Variants in UMPS observed in about 807,000 individuals in gnomAD.
The protein encoded by UMPS is uridine monophosphate synthetase.
A neutral mutation model predicts 38.9 loss-of-function variants in UMPS; 21 were observed. The ratio of observed to expected loss-of-function variants is 0.54; its 90% confidence interval spans 0.38 to 0.78. The LOEUF (loss-of-function observed/expected upper bound fraction) is 0.78, where lower values mean the gene tolerates loss of function less well. UMPS is among the 30% of genes least tolerant of loss of function. The pLI, the probability that UMPS is intolerant of heterozygous loss-of-function variation, is 0.00. For missense variants in UMPS, 533 were observed against 591.6 expected (o/e 0.90, Z 1.03); for synonymous variants, 208 against 219.3 (o/e 0.95, Z 0.45).
At chr3:124,743,775 C>T (rs907261571) in intron 5 of UMPS, 140 bp from the exon 6 acceptor site, 13 of 973,848 alleles carry the variant, frequency 1.3e-5, no homozygotes, top group East Asian at 1.1e-4. Flanking sequence ...CCTGTTTTTA[C>T]GCAGTTGCTG....
chr3:124,738,332 A>G, intron 3 of UMPS, 93 bp downstream of exon 3: 1 of 1,392,170 alleles, frequency 7.2e-7, no homozygotes, highest in Non-Finnish European at 1.0e-6. Context: ...AAGTCCATTC[A>G]TAGAGCAGGC....
intron 1 of UMPS, chr3:124,731,374 A>G (rs2063475280): frequency 2.4e-5 from 6 of 253,854 alleles, no homozygotes; most frequent in South Asian, 2.1e-4. Context: ...CCCCGGGACA[A>G]TTATTTAAAG....
At position 124,737,640 on chromosome 3, in the gene UMPS, G is replaced by A. The variant is rs773499729; in HGVS notation, c.383G>A (p.Ser128Asn). The A allele has an allele frequency of 3.7e-6, 6 of 1,614,234 alleles. No individual in the cohort carries two copies. In the East Asian group the frequency reaches 8.9e-5, roughly 24 times the overall value. Residue 128 changes from serine to asparagine, a missense_variant, in exon 3 of 6, where the codon AGT (serine) becomes AAT (asparagine). Transcript: ENST00000232607. ...TCLIIEDVVTSGSSVLETVEV... is the reference protein window; with the variant it reads ...TCLIIEDVVTNGSSVLETVEV... Reference sequence around the variant, plus strand: ...TTAATCATTGAAGATGTTGTCACCAGTGGATCTAGTGTTTTGGAAACTGTT... The same window carrying A: ...TTAATCATTGAAGATGTTGTCACCAATGGATCTAGTGTTTTGGAAACTGTT...
rs1433204458 is a variant in UMPS at position 124,737,909 on chromosome 3, A to G, written c.652A>G (p.Ile218Val). 1.9e-6 allele frequency: 3 copies of G among 1,614,206 alleles called. No individual in the cohort carries two copies. The highest frequency in any genetic ancestry group is 2.5e-6 in the Non-Finnish European group (3 of 1,180,036). Residue 218 changes from isoleucine (I) to valine (V), a missense_variant, in exon 3 of 6, where the codon ATA becomes GTA. By Grantham distance (29) the Ile-to-Val change is conservative (BLOSUM62 3). Coordinates refer to ENST00000232607, the MANE Select transcript of UMPS (RefSeq NM_000373.4). ...AANHNGSPLS[I>V]KEAPKELSFG... ...GAATCATAATGGTTCTCCCCTTTCTATAAAGGAAGCACCCAAAGAACTCAG... is the reference window on the plus strand; with the variant it reads ...GAATCATAATGGTTCTCCCCTTTCTGTAAAGGAAGCACCCAAAGAACTCAG...
In UMPS at chr3:124,745,927, A is replaced by C. The variant is rs920254780; in HGVS notation, c.*1843A>C. ...CTGGAGTCTTGTCAAAACAGGTACC[A>C]GCCCCACCCGCAGCGTTTCTGACTC... On this transcript the variant is annotated 3_prime_UTR_variant, in exon 6 of 6. Coordinates refer to ENST00000232607, the MANE Select transcript of UMPS (RefSeq NM_000373.4). 1.1e-5 allele frequency: 5 copies of C among 453,970 alleles called. No homozygotes were observed. The highest frequency in any genetic ancestry group is 2.2e-5 in the Non-Finnish European group (5 of 226,772). 28.1% of individuals were successfully genotyped at this position (453,970 alleles called of 1,614,324 possible). A position where few individuals can be genotyped will look rare whatever the true frequency, so the allele number is the denominator to read the frequency against.
Position 124,749,030 on chromosome 3 carries a change from C to T in UMPS, c.*4946C>T. On this transcript the variant is annotated 3_prime_UTR_variant, in exon 6 of 6. Coordinates refer to ENST00000232607, the MANE Select transcript of UMPS (RefSeq NM_000373.4). ...CACAGACAGCTCCATAGTCCTGCCT[C>T]CAATGTCCCAACACTGCATTGTCTC... is the stretch of plus-strand genomic sequence containing the variant. 2.2e-6 allele frequency: 1 copy of T among 454,064 alleles called. No individual in the cohort carries two copies. Among genetic ancestry groups the T allele is most frequent in the Non-Finnish European group, 4.4e-6 (1 of 226,776 alleles). The allele number at this position is 454,064 out of a possible 1,614,324, so 28.1% of individuals were successfully genotyped here.
rs750753875 is a variant in UMPS at position 124,744,487 on chromosome 3, T to C, written c.*403T>C. On this transcript the variant is annotated 3_prime_UTR_variant, in exon 6 of 6. Transcript: ENST00000232607. ...TGGAGTGCAGTGGTGAGATCACGGC[T>C]CATTGCAGCCTCGACCTCCCAGGTG... 1 of 454,246 alleles carries C rather than the reference T, an allele frequency of 2.2e-6. No individual in the cohort carries two copies. Among genetic ancestry groups the C allele is most frequent in the South Asian group, 1.6e-5 (1 of 64,488 alleles). The allele number at this position is 454,246 out of a possible 1,614,324, so 28.1% of individuals were successfully genotyped here. A position where few individuals can be genotyped will look rare whatever the true frequency, so the allele number is the denominator to read the frequency against.
At position 124,730,583 on chromosome 3, in the gene UMPS, A is replaced by G. The variant is rs1331924517; in HGVS notation, c.112A>G (p.Ile38Val). Residue 38 changes from isoleucine to valine, a missense_variant, in exon 1 of 6, where the codon ATC (isoleucine) becomes GTC (valine). Transcript: ENST00000232607. ...LKSGLSSPIY[I>V]DLRGIVSRPR... ...GAGCGGGCTTTCCTCCCCCATCTAC[A>G]TCGATCTGCGGGGCATCGTGTCTCG... is the stretch of plus-strand genomic sequence containing the variant. 1.9e-6 allele frequency: 3 copies of G among 1,613,228 alleles called. No individual in the cohort carries two copies. The East Asian group carries it at 6.7e-5, about 36-fold the overall frequency.
chr3:124,741,753 T>G (rs561320829), intron 4 of UMPS, among the ~76,000 whole-genome samples: 1 of 152,342 alleles, frequency 6.6e-6, no homozygotes, highest in African/African-American at 2.4e-5. Flanking sequence ...ATTTCTGCTT[T>G]ACGTATGGTT....
chr3:124,746,757 G>T lies in UMPS; in HGVS notation c.*2673G>T, dbSNP rs113957357. 14 of 78,232 alleles carry T rather than the reference G, an allele frequency of 1.8e-4. No individual in the cohort carries two copies. The highest frequency in any genetic ancestry group is 5.0e-4 in the African/African-American group (5 of 9,976). 4.8% of individuals were successfully genotyped at this position (78,232 alleles called of 1,614,324 possible). A position where few individuals can be genotyped will look rare whatever the true frequency, so the allele number is the denominator to read the frequency against. On this transcript the variant is annotated 3_prime_UTR_variant, in exon 6 of 6. Transcript: ENST00000232607. Reference sequence around the variant, plus strand: ...TCTGTAGAACATAAGCCCATAGATTGTGTGTGTGTGTGTGTGTGTGTGTGT... The same window carrying T: ...TCTGTAGAACATAAGCCCATAGATTTTGTGTGTGTGTGTGTGTGTGTGTGT...
rs561034012 is a variant in UMPS at position 124,746,122 on chromosome 3, G to A, written c.*2038G>A. Reference sequence around the variant, plus strand: ...GTCTGCCTCCTGCTAAGAGTCACATGCTCCTGTCCTTTAGAAATGTGGGCT... The same window carrying A: ...GTCTGCCTCCTGCTAAGAGTCACATACTCCTGTCCTTTAGAAATGTGGGCT... On this transcript the variant is annotated 3_prime_UTR_variant, in exon 6 of 6. Coordinates refer to ENST00000232607, the MANE Select transcript of UMPS (RefSeq NM_000373.4). 4.8e-5 allele frequency: 22 copies of A among 453,964 alleles called. No homozygotes were observed. The East Asian group carries it at 1.2e-3, about 24-fold the overall frequency. The allele number at this position is 453,964 out of a possible 1,614,324, so 28.1% of individuals were successfully genotyped here.
Position 124,730,484 on chromosome 3 carries a change from C to G in UMPS, c.13C>G (p.Arg5Gly). The change falls in exon 1 of 6, where the codon CGT (arginine) becomes GGT (glycine). Residue 5 changes from arginine to glycine, a missense_variant. Coordinates refer to ENST00000232607, the MANE Select transcript of UMPS (RefSeq NM_000373.4). MAVA[R>G]AALGPLVTGL... ...GCAGCGCGCGACAATGGCGGTCGCT[C>G]GTGCAGCTTTGGGGCCATTGGTGAC... 1.2e-6 allele frequency: 2 copies of G among 1,614,130 alleles called. No individual in the cohort carries two copies. Among genetic ancestry groups the G allele is most frequent in the Non-Finnish European group, 1.7e-6 (2 of 1,179,988 alleles).
chr3:124,748,757 G>A lies in UMPS; in HGVS notation c.*4673G>A, dbSNP rs867277342. ...GAGCAGGAAGATCCAGAGATCCCTC[G>A]CCCCAGCTCGGCCATGTGTGTCTGG... On this transcript the variant is annotated 3_prime_UTR_variant, in exon 6 of 6. Coordinates refer to ENST00000232607, the MANE Select transcript of UMPS (RefSeq NM_000373.4). The A allele has an allele frequency of 1.4e-5, 6 of 418,370 alleles. No homozygotes were observed. Among genetic ancestry groups the A allele is most frequent in the African/African-American group, 4.1e-5 (2 of 49,204 alleles). 25.9% of individuals were successfully genotyped at this position (418,370 alleles called of 1,614,324 possible). A position where few individuals can be genotyped will look rare whatever the true frequency, so the allele number is the denominator to read the frequency against.
In UMPS at chr3:124,744,984, G is replaced by A. The variant is rs760054012; in HGVS notation, c.*900G>A. The A allele has an allele frequency of 1.5e-4, 69 of 453,986 alleles. 1 individual carries two copies. The highest frequency in any genetic ancestry group is 9.1e-4 in the South Asian group (59 of 64,484). 28.1% of individuals were successfully genotyped at this position (453,986 alleles called of 1,614,324 possible). A position where few individuals can be genotyped will look rare whatever the true frequency, so the allele number is the denominator to read the frequency against. ...GTATCTGGCTGTTATTTCAACAACC[G>A]GAGTTGGGGTTTGGGCTCATTTTTT... On this transcript the variant is annotated 3_prime_UTR_variant, in exon 6 of 6. Transcript: ENST00000232607.
rs930385994 is a variant in UMPS, at chr3:124,749,222, A to G, written c.*5138A>G. The stretch of plus-strand genomic sequence containing the variant: ...TGATGTTGAGTTAAAAAAAATATAT[A>G]CATAAAAATATGGGTTCTTTTCAAC... On this transcript the variant is annotated 3_prime_UTR_variant, in exon 6 of 6. Transcript: ENST00000232607. 11 of 453,658 alleles carry G rather than the reference A, an allele frequency of 2.4e-5. No individual in the cohort carries two copies. The highest frequency in any genetic ancestry group is 1.6e-4 in the African/African-American group (8 of 49,930). The allele number at this position is 453,658 out of a possible 1,614,324, so 28.1% of individuals were successfully genotyped here.
At chr3:124,736,880 G>C (rs932575116) in intron 2 of UMPS, among the ~76,000 whole-genome samples, 4 of 152,180 alleles carry the variant, frequency 2.6e-5, no homozygotes, top group African/African-American at 9.7e-5. Context: ...GGGTAGAGAA[G>C]TATATATTTA....
At position 124,738,065 on chromosome 3, in the gene UMPS, G is replaced by A. The variant is rs999763893; in HGVS notation, c.808G>A (p.Ala270Thr). 5 of 1,614,252 alleles carry A rather than the reference G, an allele frequency of 3.1e-6. No homozygotes were observed. Among genetic ancestry groups the A allele is most frequent in the Non-Finnish European group, 4.2e-6 (5 of 1,180,052 alleles). ...ACTGGCCAGAGAGCTGTTGCAGCTA[G>A]CAGATGCTTTAGGACCTAGTATCTG... ...VSLARELLQL[A>T]DALGPSICML... Residue 270 changes from alanine to threonine, a missense_variant, in exon 3 of 6, where the codon GCA (alanine) becomes ACA (threonine). Coordinates refer to ENST00000232607, the MANE Select transcript of UMPS (RefSeq NM_000373.4).
chr3:124,732,200 T>C lies in UMPS; in HGVS notation c.156+1573T>C, dbSNP rs606967. ...TTGTAACTACTGTAATCGAAGCCTA[T>C]AGTCAGGGCAACTACTCATATTAAT... is the stretch of plus-strand genomic sequence containing the variant. On this transcript the variant is annotated intron_variant, in intron 1 of 5. Transcript: ENST00000232607. Among the ~76,000 whole-genome samples, 1,171 of 152,312 alleles carry C rather than the reference T, an allele frequency of 7.7e-3. 16 individuals carry two copies. The highest frequency in any genetic ancestry group is 0.027 in the African/African-American group (1,107 of 41,548).
chr3:124,734,311 A>C (rs2063502160), intron 1 of UMPS, among the ~76,000 whole-genome samples: 1 of 152,226 alleles, frequency 6.6e-6, no homozygotes, highest in African/African-American at 2.4e-5. Context: ...CTAACATTAA[A>C]ATATGATGAT....
Sources: gnomAD v4.1 joint callset for allele counts (sites outside exome capture counted in the v4.1 genomes callset) on GRCh38, gnomAD v4.1.1 for gene constraint, MANE v1.5 for transcripts, NCBI Gene and HGNC (gene_info 2026-07-23, HGNC 2026-07-21) for gene names.